The following CGNL1 variants were observed in gnomAD, a reference collection of about 807,000 sequenced individuals.
CGNL1 encodes cingulin like 1, also known as cingulin-like protein 1.
In CGNL1, 132 loss-of-function variants were observed where a neutral mutation model predicts 141.2. The ratio of observed to expected loss-of-function variants is 0.93; its 90% CI spans 0.81 to 1.08. The LOEUF is 1.08. Ranked by LOEUF, CGNL1 falls within the 50% of genes least tolerant of loss-of-function variation. CGNL1 has a pLI of 0.00. For missense variants in CGNL1, 1,870 were observed against 1,588.6 expected (o/e 1.18, Z -3.01); for synonymous variants, 690 against 622.1 (o/e 1.11, Z -1.63).
At chr15:57,379,779 C>T (rs1259512131) in intron 1 of CGNL1, among the ~76,000 whole-genome samples, 1 of 150,292 alleles carries the variant, frequency 6.7e-6, no homozygotes, top group East Asian at 1.9e-4. Flanking sequence ...TTGCTGTTAT[C>T]AAGAAACCAG....
chr15:57,492,644 C>CCTTTTTCACTCCTGAG (rs200824573), intron 8 of CGNL1, among the ~76,000 whole-genome samples: 1 of 148,646 alleles, frequency 6.7e-6, no homozygotes, highest in African/African-American at 2.6e-5. Context: ...CCTGAGACTT[C>CCTTTTTCACTCCTGAG]TGGCAAAGTG....
rs903254175 is a variant in CGNL1, at chr15:57,532,515, C to A, written c.3291+736C>A. 7.2e-5 allele frequency among the ~76,000 whole-genome samples: 11 copies of A among 152,294 alleles called. No individual in the cohort carries two copies. The South Asian group carries it at 2.3e-3, about 32-fold the overall frequency. Reference sequence around the variant, plus strand: ...TGGATAATACTGCATGTATTATCTGCACTTCGCTTGAGAAATTAGTTCCGT... The same window carrying A: ...TGGATAATACTGCATGTATTATCTGAACTTCGCTTGAGAAATTAGTTCCGT... On this transcript the variant is annotated intron_variant, in intron 14 of 18. Coordinates refer to ENST00000281282, the MANE Select transcript of CGNL1 (RefSeq NM_032866.5).
chr15:57,531,954 T>G (rs1186592857), intron 14 of CGNL1, among the ~76,000 whole-genome samples, 175 bp downstream of exon 14: 6 of 152,202 alleles, frequency 3.9e-5, no homozygotes, highest in African/African-American at 1.4e-4. Context: ...TTTGACCAGA[T>G]TACTTGTATT....
intron 1 of CGNL1, among the ~76,000 whole-genome samples, chr15:57,383,620 TC>T (rs1555428904): frequency 2.3e-4 from 16 of 70,724 alleles, no homozygotes; most frequent in East Asian, 1.6e-3. Context: ...TCTTTTCTTT[TC>T]TTTTCTTTTC....
At chr15:57,508,142 T>A (rs554903548) in intron 8 of CGNL1, among the ~76,000 whole-genome samples, 1 of 152,294 alleles carries the variant, frequency 6.6e-6, no homozygotes, top group East Asian at 1.9e-4. Flanking sequence ...CTTTGCCACA[T>A]TTATTTCCAT....
chr15:57,489,292 C>G (rs78108739), intron 8 of CGNL1, among the ~76,000 whole-genome samples: 1 of 152,060 alleles, frequency 6.6e-6, no homozygotes, highest in Non-Finnish European at 1.5e-5. Context: ...AGTTGTTGTT[C>G]CTGAGAAATA....
chr15:57,429,897 C>T (rs775145096), intron 1 of CGNL1, among the ~76,000 whole-genome samples: 3 of 152,146 alleles, frequency 2.0e-5, no homozygotes, highest in East Asian at 1.9e-4. Flanking sequence ...GCAGCCTTGA[C>T]CTCTCTGGGC....
intron 8 of CGNL1, among the ~76,000 whole-genome samples, chr15:57,498,829 G>C (rs920615144): frequency 1.3e-5 from 2 of 152,102 alleles, no homozygotes; most frequent in African/African-American, 4.8e-5. Context: ...GTATGGTCCA[G>C]GAGGAACTTT....
chr15:57,477,387 T>C (rs1222912226), intron 8 of CGNL1: 2 of 152,216 alleles, frequency 1.3e-5, no homozygotes, highest in African/African-American at 4.8e-5. Flanking sequence ...GCAAACTTCG[T>C]TGGAAAACAC....
In CGNL1 at chr15:57,518,419, C is replaced by T; in HGVS notation, c.2637C>T (p.Ala879=). The change falls in exon 10 of 19, where the codon GCC becomes GCT. Residue 879 remains alanine, a synonymous_variant. Transcript: ENST00000281282. ...YEGEIRQLEE[A]LVHARKEEKE... Reference sequence around the variant, plus strand: ...GAGAAATACGACAGTTAGAGGAGGCCCTTGTGCACGCCAGAAAGGAAGAAA... The same window carrying T: ...GAGAAATACGACAGTTAGAGGAGGCTCTTGTGCACGCCAGAAAGGAAGAAA... 2 of 1,613,378 alleles carry T rather than the reference C, an allele frequency of 1.2e-6. No homozygotes were observed. The highest frequency in any genetic ancestry group is 1.7e-6 in the Non-Finnish European group (2 of 1,179,688).
chr15:57,484,251 G>A (rs2063760645), intron 8 of CGNL1, among the ~76,000 whole-genome samples: 1 of 152,128 alleles, frequency 6.6e-6, no homozygotes. Context: ...TTCTTTTGGG[G>A]GAGTTTTAAA....
At chr15:57,515,089 T>G (rs1160927538) in intron 8 of CGNL1, among the ~76,000 whole-genome samples, 1 of 152,232 alleles carries the variant, frequency 6.6e-6, no homozygotes, top group Non-Finnish European at 1.5e-5. Context: ...GTTACTAGAT[T>G]CTTTAGATCC....
At chr15:57,380,744 T>C (rs1054977613) in intron 1 of CGNL1, among the ~76,000 whole-genome samples, 2 of 151,914 alleles carry the variant, frequency 1.3e-5, no homozygotes, top group Non-Finnish European at 2.9e-5. Context: ...GCTTCTGGAG[T>C]CTACTGAACA....
intron 14 of CGNL1, among the ~76,000 whole-genome samples, chr15:57,540,540 A>C (rs1156601307): frequency 6.6e-6 from 1 of 152,096 alleles, no homozygotes. Flanking sequence ...TTAAGATGAG[A>C]TTTGGGTGGG....
chr15:57,455,543 G>T (rs1444530957), intron 7 of CGNL1, among the ~76,000 whole-genome samples: 14 of 152,048 alleles, frequency 9.2e-5, no homozygotes, highest in Admixed American at 6.6e-4. Context: ...CACATATTTT[G>T]TATCTTTCTT....
intron 7 of CGNL1, among the ~76,000 whole-genome samples, chr15:57,455,495 G>A (rs182019443): frequency 6.6e-6 from 1 of 151,908 alleles, no homozygotes; most frequent in African/African-American, 2.4e-5. Flanking sequence ...GATATCCCCT[G>A]TCCTTTTAGT....
chr15:57,518,314 T>C (rs2140107432), intron 9 of CGNL1, 79 bp from the exon 10 acceptor site: 1 of 1,043,932 alleles, frequency 9.6e-7, no homozygotes, highest in South Asian at 1.4e-5. Context: ...GTGTCTTCGG[T>C]GTTCATTTAA....
At chr15:57,413,221 T>TCCCTC (rs2062811705) in intron 1 of CGNL1, among the ~76,000 whole-genome samples, 2 of 137,020 alleles carry the variant, frequency 1.5e-5, no homozygotes, top group African/African-American at 5.6e-5. Context: ...CTTCCTCTCT[T>TCCCTC]CCTCCCTCCC....
intron 1 of CGNL1, among the ~76,000 whole-genome samples, chr15:57,413,430 G>A (rs1045574489): frequency 2.6e-5 from 4 of 152,106 alleles, no homozygotes; most frequent in African/African-American, 7.2e-5. Context: ...GGTGCGCACC[G>A]CCATGCCTGG....
Sources: gnomAD v4.1 joint callset for allele counts (sites outside exome capture counted in the v4.1 genomes callset) on GRCh38, gnomAD v4.1.1 for gene constraint, MANE v1.5 for transcripts, NCBI Gene and HGNC (gene_info 2026-07-23, HGNC 2026-07-21) for gene names.